ABCG1: variants seen among roughly 807,000 people sequenced by gnomAD.
The protein encoded by ABCG1 is ATP-binding cassette sub-family G member 1.
ABCG1 carries 29 observed loss-of-function variants against 69.2 expected under a neutral mutation model. That is an observed-to-expected ratio of 0.42 (90% CI 0.31 to 0.57). The LOEUF (loss-of-function observed/expected upper bound fraction) is 0.57. Among genes scored for constraint, ABCG1 ranks in the 20% least tolerant of loss-of-function variants. The probability of loss-of-function intolerance (pLI) is 0.15; values close to 1 mark genes in which losing one functional copy is unlikely to be tolerated. For missense variants in ABCG1, 718 were observed against 898.1 expected, an observed-to-expected ratio of 0.80 and a Z score of 2.56; for synonymous variants, 370 against 374.8, an observed-to-expected ratio of 0.99 and a Z score of 0.15.
chr21:42,215,343 C>T (rs952292392), upstream of ABCG1, among the ~76,000 whole-genome samples: 1 of 152,214 alleles, frequency 6.6e-6, no homozygotes, highest in African/African-American at 2.4e-5. Context: ...CCCTTTCTCC[C>T]CTTCATGTTC....
At position 42,296,281 on chromosome 21, in the gene ABCG1, C is replaced by T. The variant is rs779155056; in HGVS notation, c.1890C>T (p.Asp630=). ...CGGAGGCCATCCTGCGGGAGCTGGA[C>T]GTGGAAAATGCCAAGCTGTACCTGG... The part of the protein sequence containing the change: ...QKSEAILREL[D]VENAKLYLDF... The change falls in exon 15 of 15, where the codon GAC becomes GAT. Residue 630 remains aspartate, a synonymous_variant. Coordinates refer to ENST00000398449, the MANE Select transcript of ABCG1 (RefSeq NM_016818.3). The surrounding 1 kb of genome is among the most constrained non-coding windows in gnomAD (Gnocchi z 5.4). 16 of 1,614,012 alleles carry T rather than the reference C, an allele frequency of 9.9e-6. No individual in the cohort carries two copies. The East Asian group carries it at 3.1e-4, about 31-fold the overall frequency.
At chr21:42,256,331 C>T (rs1482226329) in intron 2 of ABCG1, 2 of 1,549,880 alleles carry the variant, frequency 1.3e-6, no homozygotes, top group East Asian at 2.4e-5. Context: ...TGGGCCCTCT[C>T]TGCTGGGGCT....
rs745396892 is a variant in ABCG1 at position 42,273,270 on chromosome 21, G to A, written c.405-33G>A. On this transcript the variant is annotated intron_variant, in intron 3 of 14. Transcript: ENST00000398449. This position sits in a 1 kb window ranked among gnomAD's most constrained non-coding sequence, Gnocchi z 5.3. Reference sequence around the variant, plus strand: ...GGAGGTGGAGGAGGAGCAGGAGCCCGGCTGACGGCTTCTCCTGTCCTTGGT... The same window carrying A: ...GGAGGTGGAGGAGGAGCAGGAGCCCAGCTGACGGCTTCTCCTGTCCTTGGT... 23 of 1,593,790 alleles carry A rather than the reference G, an allele frequency of 1.4e-5. No homozygotes were observed. Among genetic ancestry groups the A allele is most frequent in the South Asian group, 5.6e-5 (5 of 89,094 alleles).
intron 7 of ABCG1, among the ~76,000 whole-genome samples, 172 bp downstream of exon 7, chr21:42,284,855 C>A (rs937420077): frequency 6.6e-6 from 1 of 152,084 alleles, no homozygotes; most frequent in African/African-American, 2.4e-5. Flanking sequence ...TTCATGACAC[C>A]AAACCCTGGG....
rs915053028 is a variant in ABCG1 at position 42,235,703 on chromosome 21, T to C, written c.286+9789T>C. Among the ~76,000 whole-genome samples the C allele has an allele frequency of 2.0e-5, 3 of 152,158 alleles. No homozygotes were observed. In the East Asian group the frequency reaches 5.8e-4, roughly 29 times the overall value. On this transcript the variant is annotated intron_variant, in intron 2 of 14. Transcript: ENST00000398449. ...CGATACGGGGCTGTGGGGACCTAGG[T>C]TGTATCATGCGGATGAGGCCTCCAG... is the stretch of plus-strand genomic sequence containing the variant.
At chr21:42,278,756 T>C (rs892151953) in intron 5 of ABCG1, among the ~76,000 whole-genome samples, 2 of 151,914 alleles carry the variant, frequency 1.3e-5, no homozygotes, top group Non-Finnish European at 2.9e-5. Context: ...CAGAAGAACA[T>C]GGAGAAAAGC....
chr21:42,243,221 C>T (rs923659244), intron 2 of ABCG1, among the ~76,000 whole-genome samples: 2 of 152,076 alleles, frequency 1.3e-5, no homozygotes, highest in Non-Finnish European at 2.9e-5. Flanking sequence ...TCTCACGAGT[C>T]GCACTATGAA....
intron 1 of ABCG1, chr21:42,201,429 C>T (rs1028049913): frequency 2.1e-5 from 10 of 486,084 alleles, no homozygotes; most frequent in Admixed American, 3.3e-5. Flanking sequence ...GCTTGCCGCT[C>T]ACCTCCTGCT....
At chr21:42,224,622 A>G (rs1243233219) in intron 1 of ABCG1, among the ~76,000 whole-genome samples, 2 of 152,180 alleles carry the variant, frequency 1.3e-5, no homozygotes, top group African/African-American at 4.8e-5. Context: ...TTCATGAAGG[A>G]CTTCAGAGGT....
At chr21:42,267,672 T>C in intron 2 of ABCG1, among the ~76,000 whole-genome samples, 1 of 150,252 alleles carries the variant, frequency 6.7e-6, no homozygotes, top group African/African-American at 2.5e-5. Flanking sequence ...CTGAGTTCTG[T>C]CTGGGTCTGG....
intron 2 of ABCG1, among the ~76,000 whole-genome samples, chr21:42,261,616 C>T (rs2068415346): frequency 6.6e-6 from 1 of 152,170 alleles, no homozygotes; most frequent in Non-Finnish European, 1.5e-5. Context: ...TGAGGAGACG[C>T]ATTGCCTCGC....
upstream of ABCG1, among the ~76,000 whole-genome samples, chr21:42,218,190 G>A (rs2067663782): frequency 1.3e-5 from 2 of 152,174 alleles, no homozygotes. Flanking sequence ...TTGGGAGGGG[G>A]GACCCAGGTG....
intron 2 of ABCG1, chr21:42,256,387 C>A: frequency 6.5e-7 from 1 of 1,550,304 alleles, no homozygotes; most frequent in South Asian, 1.2e-5. Flanking sequence ...CCGCCATTCT[C>A]TTGGCCAGAC....
intron 2 of ABCG1, among the ~76,000 whole-genome samples, chr21:42,206,562 T>C (rs1424795298): frequency 2.0e-5 from 3 of 152,090 alleles, no homozygotes. Flanking sequence ...TATTGATGAA[T>C]GGTGTTATTG....
At chr21:42,242,972 A>AAC (rs770435119) in intron 2 of ABCG1, among the ~76,000 whole-genome samples, 2,908 of 152,222 alleles carry the variant, frequency 0.019, 37 homozygotes, top group South Asian at 0.027. Flanking sequence ...CAGGGATCCC[A>AAC]CTTTGAGAAC....
intron 1 of ABCG1, among the ~76,000 whole-genome samples, chr21:42,200,611 T>TTTTTTTTG (rs1555943843): frequency 6.6e-6 from 1 of 151,074 alleles, no homozygotes; most frequent in Non-Finnish European, 1.5e-5. Context: ...TTTTTTTTTT[T>TTTTTTTTG]AGACGGAGTC....
upstream of ABCG1, among the ~76,000 whole-genome samples, chr21:42,218,051 G>C (rs2067662049): frequency 6.6e-6 from 1 of 151,984 alleles, no homozygotes; most frequent in Non-Finnish European, 1.5e-5. Context: ...TCTCTCCTTC[G>C]ATTTGAGCGG....
In ABCG1 at chr21:42,296,616, G is replaced by A; in HGVS notation, c.*224G>A. On this transcript the variant is annotated 3_prime_UTR_variant, in exon 15 of 15. Coordinates refer to ENST00000398449, the MANE Select transcript of ABCG1 (RefSeq NM_016818.3). The surrounding 1 kb of genome is among the most constrained non-coding windows in gnomAD (Gnocchi z 5.4). ...AGCTTTAACTAGGAAGATGTAGGCA[G>A]ATTGGTGGTTTTTTTTTTTTTAACA... The A allele has an allele frequency of 2.0e-6, 1 of 502,316 alleles. No individual in the cohort carries two copies. The highest frequency in any genetic ancestry group is 2.5e-5 in the South Asian group (1 of 40,664). 31.1% of individuals were successfully genotyped at this position (502,316 alleles called of 1,614,324 possible).
intron 1 of ABCG1, among the ~76,000 whole-genome samples, chr21:42,224,709 A>G (rs932269182): frequency 5.9e-5 from 9 of 152,198 alleles, no homozygotes; most frequent in Non-Finnish European, 1.3e-4. Flanking sequence ...GACAGCAAGA[A>G]AAAGCACAGC....
Sources: gnomAD v4.1 joint callset for allele counts (sites outside exome capture counted in the v4.1 genomes callset) on GRCh38, gnomAD v4.1.1 for gene constraint, Gnocchi (gnomAD v3.1) non-coding constraint, MANE v1.5 for transcripts, NCBI Gene and HGNC (gene_info 2026-07-23, HGNC 2026-07-21) for gene names.